The following MLLT10 variants were observed in gnomAD, a reference collection of about 807,000 sequenced individuals.
MLLT10 encodes the protein protein AF-10.
MLLT10 carries 30 observed loss-of-function variants against 129.1 expected under a neutral mutation model. That is an observed-to-expected ratio of 0.23 (90% CI 0.17 to 0.32). The LOEUF (loss-of-function observed/expected upper bound fraction) is 0.32, where lower values mean the gene tolerates loss of function less well. Among genes scored for constraint, MLLT10 ranks in the 10% least tolerant of loss-of-function variants. The pLI is 1.00. For missense variants in MLLT10, 1,119 were observed against 1,268.3 expected, an observed-to-expected ratio of 0.88 and a Z score of 1.79; for synonymous variants, 490 against 446.4, an observed-to-expected ratio of 1.10 and a Z score of -1.23.
intron 8 of MLLT10, among the ~76,000 whole-genome samples, chr10:21,618,327 C>T (rs2045467509): frequency 6.6e-6 from 1 of 151,348 alleles, no homozygotes; most frequent in Non-Finnish European, 1.5e-5. Context: ...GAAACTGTGT[C>T]TCTACTAAAA....
At chr10:21,556,546 T>A (rs1417631551) in intron 3 of MLLT10, 1 of 866,054 alleles carries the variant, frequency 1.2e-6, no homozygotes, top group African/African-American at 1.7e-5. Flanking sequence ...CCATTTACCC[T>A]CTCTAGGAAA....
In MLLT10 at chr10:21,727,881, C is replaced by A; in HGVS notation, c.2016C>A (p.Arg672=). Residue 672 remains arginine, a synonymous_variant, in exon 16 of 23, where the codon CGC becomes CGA. Transcript: ENST00000307729. ...QTDQDLGDNS[R]NLVGRGSSPR... is the part of the protein sequence containing the mutation. ...ATCAAGATCTTGGAGACAATAGCCG[C>A]AACCTAGTTGGCAGAGGAAGCTCAC... 6.2e-7 allele frequency: 1 copy of A among 1,614,058 alleles called. No homozygotes were observed. Among genetic ancestry groups the A allele is most frequent in the Non-Finnish European group, 8.5e-7 (1 of 1,179,980 alleles).
intron 14 of MLLT10, among the ~76,000 whole-genome samples, chr10:21,722,955 G>A (rs540241201): frequency 1.5e-4 from 23 of 152,182 alleles, no homozygotes; most frequent in African/African-American, 5.5e-4. Context: ...ACTCTATCTG[G>A]TAAAATTAAT....
chr10:21,556,419 C>T (rs1218749691), intron 3 of MLLT10, among the ~76,000 whole-genome samples: 6 of 152,072 alleles, frequency 3.9e-5, no homozygotes. Flanking sequence ...GTTGACAAAC[C>T]TGGTTACCAA....
At chr10:21,706,402 C>CCT (rs2055503179) in intron 13 of MLLT10, among the ~76,000 whole-genome samples, 1 of 152,150 alleles carries the variant, frequency 6.6e-6, no homozygotes, top group Admixed American at 6.5e-5. Flanking sequence ...TTGGTACCAC[C>CCT]CTCACTTTAT....
chr10:21,686,503 C>A (rs1394366839), intron 13 of MLLT10, among the ~76,000 whole-genome samples: 1 of 151,974 alleles, frequency 6.6e-6, no homozygotes, highest in Admixed American at 6.6e-5. Context: ...AGGTGTTTTC[C>A]TAAAGTACTT....
At chr10:21,592,546 C>A (rs1022049697) in intron 4 of MLLT10, among the ~76,000 whole-genome samples, 1 of 152,046 alleles carries the variant, frequency 6.6e-6, no homozygotes, top group Non-Finnish European at 1.5e-5. Context: ...GGCTCCACCC[C>A]CCGGGGTTCA....
intron 9 of MLLT10, among the ~76,000 whole-genome samples, chr10:21,657,958 T>C (rs1263111924): frequency 6.6e-6 from 1 of 152,156 alleles, no homozygotes; most frequent in East Asian, 1.9e-4. Context: ...GAAATCCAAG[T>C]GGAGATTTAA....
At chr10:21,590,635 G>A (rs1388755742) in intron 4 of MLLT10, among the ~76,000 whole-genome samples, 2 of 152,066 alleles carry the variant, frequency 1.3e-5, no homozygotes, top group Admixed American at 6.5e-5. Flanking sequence ...CACCACACCC[G>A]GCCGCCAGTA....
intron 3 of MLLT10, among the ~76,000 whole-genome samples, chr10:21,549,781 G>C (rs1475894388): frequency 1.3e-5 from 2 of 151,526 alleles, no homozygotes; most frequent in Non-Finnish European, 2.9e-5. Context: ...TGGGATTACA[G>C]GTGTGTGCCA....
At chr10:21,681,853 C>T (rs545274658) in intron 12 of MLLT10, among the ~76,000 whole-genome samples, 4 of 151,876 alleles carry the variant, frequency 2.6e-5, no homozygotes, top group East Asian at 1.9e-4. Flanking sequence ...GTTAAGTGTG[C>T]CCTAAGGCAG....
chr10:21,546,406 TCTA>T lies in MLLT10; in HGVS notation c.240+7497_240+7499del, dbSNP rs1314626525. 6.2e-4 allele frequency among the ~76,000 whole-genome samples: 93 copies of T among 148,928 alleles called. 1 individual carries two copies. The highest frequency in any genetic ancestry group is 2.4e-4 in the Non-Finnish European group (16 of 67,244). Reference sequence around the variant, plus strand: ...AGAGGACATTTTAGATTGTAAATATTCTACTTTTTTTTTTTTGAGATGGAGTCT... The same window carrying T: ...AGAGGACATTTTAGATTGTAAATATTCTTTTTTTTTTTTGAGATGGAGTCT... On this transcript the variant is annotated intron_variant, in intron 3 of 22. Transcript: ENST00000307729.
At chr10:21,680,817 C>A (rs1028770196) in intron 11 of MLLT10, among the ~76,000 whole-genome samples, 5 of 151,852 alleles carry the variant, frequency 3.3e-5, no homozygotes, top group African/African-American at 1.2e-4. Flanking sequence ...ACTAAAGATA[C>A]AAAAATTAGC....
In MLLT10 at chr10:21,741,996, A is replaced by T; in HGVS notation, c.*13A>T. On this transcript the variant is annotated 3_prime_UTR_variant, in exon 23 of 23. Coordinates refer to ENST00000307729, the MANE Select transcript of MLLT10 (RefSeq NM_001195626.3). ...AGAGAAAAGTTGACACCTGAGAAAC[A>T]TCTAGAAATTGCCTATCCTGCTGTT... is the stretch of plus-strand genomic sequence containing the variant. 4 of 1,611,962 alleles carry T rather than the reference A, an allele frequency of 2.5e-6. No homozygotes were observed. Among genetic ancestry groups the T allele is most frequent in the Non-Finnish European group, 3.4e-6 (4 of 1,179,518 alleles).
chr10:21,556,737 GCCT>G, intron 3 of MLLT10: 1 of 1,611,558 alleles, frequency 6.2e-7, no homozygotes, highest in Non-Finnish European at 8.5e-7. Context: ...CACCCCCGAT[GCCT>G]GGTGTCTAAC....
chr10:21,601,426 T>C (rs888203094), intron 5 of MLLT10, among the ~76,000 whole-genome samples: 2 of 152,246 alleles, frequency 1.3e-5, no homozygotes, highest in Non-Finnish European at 2.9e-5. Context: ...ATCTAAACTT[T>C]TGGAAATGGC....
intron 13 of MLLT10, among the ~76,000 whole-genome samples, chr10:21,683,993 T>A (rs973443471): frequency 3.3e-5 from 5 of 152,024 alleles, no homozygotes; most frequent in Non-Finnish European, 7.4e-5. Context: ...TATATAATTT[T>A]ATTTTTTTTT....
At position 21,717,510 on chromosome 10, in the gene MLLT10, TCCTCCA is replaced by T. The variant is rs1189780668; in HGVS notation, c.1878+3563_1878+3568del. ...CTCCTCCTCCTCCTCCTCCTCCTCCTCCTCCACCACCTCCTCCTCCTCCTCCTCCTC... is the reference window on the plus strand; with the variant it reads ...CTCCTCCTCCTCCTCCTCCTCCTCCTCCACCTCCTCCTCCTCCTCCTCCTC... On this transcript the variant is annotated intron_variant, in intron 14 of 22. Transcript: ENST00000307729. Among the ~76,000 whole-genome samples the T allele has an allele frequency of 6.3e-3, 548 of 86,858 alleles. 2 individuals are homozygous for T. The highest frequency in any genetic ancestry group is 0.022 in the African/African-American group (509 of 23,668). The allele number at this position is 86,858 out of a possible 152,430, so 57.0% of individuals were successfully genotyped here.
intron 11 of MLLT10, among the ~76,000 whole-genome samples, chr10:21,675,166 A>T (rs1329075427): frequency 6.6e-6 from 1 of 152,220 alleles, no homozygotes; most frequent in Non-Finnish European, 1.5e-5. Flanking sequence ...GAAAGGTGAA[A>T]TAAGATACCC....
Sources: gnomAD v4.1 joint callset for allele counts (sites outside exome capture counted in the v4.1 genomes callset) on GRCh38, gnomAD v4.1.1 for gene constraint, MANE v1.5 for transcripts, NCBI Gene and HGNC (gene_info 2026-07-23, HGNC 2026-07-21) for gene names.